The following TET1 variants were observed in gnomAD, a reference collection of about 807,000 sequenced individuals.
TET1 encodes tet methylcytosine dioxygenase 1.
TET1 carries 13 observed loss-of-function variants against 148.7 expected under a neutral mutation model. That is an observed-to-expected ratio of 0.09 (90% CI 0.06 to 0.14). The LOEUF (loss-of-function observed/expected upper bound fraction) is 0.14, where lower values mean the gene tolerates loss of function less well. TET1 is among the 10% of genes least tolerant of loss of function. TET1 has a pLI of 1.00. For missense variants in TET1, 2,182 were observed against 2,553.8 expected, an observed-to-expected ratio of 0.85 and a Z score of 3.14; for synonymous variants, 907 against 937.2, an observed-to-expected ratio of 0.97 and a Z score of 0.59.
chr10:68,569,006 C>G (rs2053636699), intron 1 of TET1, among the ~76,000 whole-genome samples: 1 of 152,120 alleles, frequency 6.6e-6, no homozygotes, highest in Non-Finnish European at 1.5e-5. Context: ...AGGTACTCAA[C>G]AGATGTATTG....
At chr10:68,591,382 A>T (rs10998312) in intron 2 of TET1, among the ~76,000 whole-genome samples, 23,595 of 152,160 alleles carry the variant, frequency 0.16, 1,996 homozygotes, top group South Asian at 0.24. Flanking sequence ...GTCCTCGAAC[A>T]TAGCTGTTGT....
At chr10:68,631,018 A>T (rs982351182) in intron 3 of TET1, among the ~76,000 whole-genome samples, 1 of 152,032 alleles carries the variant, frequency 6.6e-6, no homozygotes, top group Non-Finnish European at 1.5e-5. Context: ...CTCTACAAAA[A>T]ATTTTAAAAT....
intron 8 of TET1, among the ~76,000 whole-genome samples, chr10:68,676,256 ATATATATATATATTTTTTTTTTTTTT>A (rs2055354498): frequency 2.5e-5 from 1 of 40,380 alleles, no homozygotes; most frequent in Non-Finnish European, 3.9e-5. Context: ...ATATATATAT[ATATATATATATATTTTTTTTTTTTTT>A]TTTTTTTTTT....
Position 68,656,867 on chromosome 10 carries a change from A to G in TET1, c.4461+4273A>G, listed in dbSNP as rs527695594. On this transcript the variant is annotated intron_variant, in intron 6 of 11. Transcript: ENST00000373644. ...ACGGTGAAACTCCGTCTCTAGTAAA[A>G]TACAAAAAATTAGCCAGACATGGTG... is the stretch of plus-strand genomic sequence containing the variant. Among the ~76,000 whole-genome samples, 8 of 151,870 alleles carry G rather than the reference A, an allele frequency of 5.3e-5. No individual in the cohort carries two copies. In the East Asian group the frequency reaches 9.9e-4, roughly 19 times the overall value.
chr10:68,638,765 T>TG (rs2054693075), intron 3 of TET1, among the ~76,000 whole-genome samples: 4 of 140,824 alleles, frequency 2.8e-5, no homozygotes, highest in Admixed American at 7.3e-5. Context: ...TGTATGGAGT[T>TG]TGTGTGTGTG....
intron 1 of TET1, among the ~76,000 whole-genome samples, chr10:68,563,860 T>G (rs957198844): frequency 1.3e-5 from 2 of 152,124 alleles, no homozygotes; most frequent in African/African-American, 4.8e-5. Context: ...TTTTGTATTT[T>G]TAGTAGAGAT....
intron 3 of TET1, among the ~76,000 whole-genome samples, chr10:68,615,159 C>G (rs561046646): frequency 1.3e-5 from 2 of 151,952 alleles, no homozygotes; most frequent in African/African-American, 4.8e-5. Flanking sequence ...TCTCGAACTC[C>G]TGACCTCGTG....
chr10:68,683,342 G>A lies in TET1; in HGVS notation c.5052+369G>A, dbSNP rs1212643586. Among the ~76,000 whole-genome samples, 10 of 152,140 alleles carry A rather than the reference G, an allele frequency of 6.6e-5. No homozygotes were observed. In the East Asian group the frequency reaches 1.5e-3, roughly 24 times the overall value. ...CGCCCAGGCTAGAGGGTAGTGGCACGATCTCAGCTCACTGCAACCTCTGCC... is the reference window on the plus strand; with the variant it reads ...CGCCCAGGCTAGAGGGTAGTGGCACAATCTCAGCTCACTGCAACCTCTGCC... On this transcript the variant is annotated intron_variant, in intron 10 of 11. Transcript: ENST00000373644.
At chr10:68,600,918 G>A (rs2054046831) in intron 2 of TET1, 63 bp from the exon 3 acceptor site, 1 of 1,465,994 alleles carries the variant, frequency 6.8e-7, no homozygotes, top group Non-Finnish European at 9.4e-7. Flanking sequence ...AAAAATTTTG[G>A]GGATGTGGGA....
intron 1 of TET1, among the ~76,000 whole-genome samples, chr10:68,568,630 G>A (rs1428086618): frequency 1.3e-5 from 2 of 152,160 alleles, no homozygotes; most frequent in Non-Finnish European, 2.9e-5. Flanking sequence ...GGTCTGGGTA[G>A]GCAATCTGAA....
chr10:68,666,813 G>A (rs1466651751), intron 6 of TET1, among the ~76,000 whole-genome samples: 1 of 152,160 alleles, frequency 6.6e-6, no homozygotes. Flanking sequence ...GCCGGGCATG[G>A]AGGCACATGT....
chr10:68,573,879 G>A lies in TET1; in HGVS notation c.1541G>A (p.Gly514Glu). The A allele has an allele frequency of 6.2e-7, 1 of 1,614,120 alleles. No homozygotes were observed. Among genetic ancestry groups the A allele is most frequent in the Non-Finnish European group, 8.5e-7 (1 of 1,180,024 alleles). Residue 514 changes from glycine (G) to glutamate (E), a missense_variant, in exon 2 of 12, where the codon GGG becomes GAG. This residue lies in a region of TET1 where 665 missense variants were observed against 672.4 expected (regional missense o/e 0.99). Transcript: ENST00000373644. ...AGCTTCCTGCCAGCTAACACTCAGG[G>A]GTTCCCATTAGCCCCTGAGAGAGGA... ...HISFLPANTQGFPLAPERGLF... is the reference protein window; with the variant it reads ...HISFLPANTQEFPLAPERGLF...
At chr10:68,688,991 C>A (rs945833727) in intron 11 of TET1, among the ~76,000 whole-genome samples, 3 of 152,092 alleles carry the variant, frequency 2.0e-5, no homozygotes, top group Admixed American at 1.3e-4. Context: ...GAAAGAAATG[C>A]AATAATACAG....
chr10:68,690,651 G>A (rs192639788), intron 11 of TET1, among the ~76,000 whole-genome samples, 157 bp from the exon 12 acceptor site: 37 of 152,242 alleles, frequency 2.4e-4, no homozygotes, highest in African/African-American at 6.0e-4. Flanking sequence ...TTTTTAATTC[G>A]TGTTTGTGAT....
intron 6 of TET1, among the ~76,000 whole-genome samples, 160 bp from the exon 7 acceptor site, chr10:68,666,885 A>T (rs2055202040): frequency 6.6e-6 from 1 of 152,180 alleles, no homozygotes; most frequent in African/African-American, 2.4e-5. Context: ...GGAGTTTGAG[A>T]CCAGCCTTGG....
At chr10:68,669,102 A>C (rs145342343) in intron 7 of TET1, among the ~76,000 whole-genome samples, 1 of 152,188 alleles carries the variant, frequency 6.6e-6, no homozygotes, top group African/African-American at 2.4e-5. Flanking sequence ...TTTTAAAACC[A>C]GGCATAGTGG....
At chr10:68,561,683 T>G (rs972982171) in intron 1 of TET1, among the ~76,000 whole-genome samples, 1 of 151,224 alleles carries the variant, frequency 6.6e-6, no homozygotes, top group African/African-American at 2.4e-5. Context: ...CCTCTCTCTC[T>G]GTGCTTCCCT....
At chr10:68,617,000 C>T (rs2054300513) in intron 3 of TET1, among the ~76,000 whole-genome samples, 1 of 121,130 alleles carries the variant, frequency 8.3e-6, no homozygotes, top group African/African-American at 3.3e-5. Context: ...AGCCACCGCG[C>T]CTGGCCTTTT....
Position 68,645,896 on chromosome 10 carries a change from A to G in TET1, c.3167A>G (p.Lys1056Arg). The change falls in exon 4 of 12, where the codon AAA becomes AGA. Residue 1056 changes from lysine (K) to arginine (R), a missense_variant. By Grantham distance (26) the Lys-to-Arg change is conservative. Around this residue, in one of 11 missense-constraint regions of TET1, gnomAD observed 582 missense variants for 599.5 expected, o/e 0.97. Coordinates refer to ENST00000373644, the MANE Select transcript of TET1 (RefSeq NM_030625.3). Reference protein sequence around the residue: ...EYCNQLLDSSKKLDSDDLSCQ... With the variant: ...EYCNQLLDSSRKLDSDDLSCQ... Reference sequence around the variant, plus strand: ...TGCAACCAGTTACTGGACAGCAGCAAAAAATTGGACTCAGATGATCTATCA... The same window carrying G: ...TGCAACCAGTTACTGGACAGCAGCAGAAAATTGGACTCAGATGATCTATCA... The G allele has an allele frequency of 6.2e-7, 1 of 1,614,116 alleles. No homozygotes were observed. Among genetic ancestry groups the G allele is most frequent in the South Asian group, 1.1e-5 (1 of 91,074 alleles).
Sources: gnomAD v4.1 joint callset for allele counts (sites outside exome capture counted in the v4.1 genomes callset) on GRCh38, gnomAD v4.1.1 for gene constraint, gnomAD v4.1.1 regional missense constraint, MANE v1.5 for transcripts, NCBI Gene and HGNC (gene_info 2026-07-23, HGNC 2026-07-21) for gene names.